Variants in RUSF1 observed in about 807,000 individuals in gnomAD.
The protein encoded by RUSF1 is RUS1 family protein C16orf58.
A neutral mutation model predicts 63.0 loss-of-function variants in RUSF1; 58 were observed. The observed-to-expected ratio is 0.92, with a 90% CI of 0.75 to 1.15. The LOEUF (loss-of-function observed/expected upper bound fraction) is 1.15, where lower values mean the gene tolerates loss of function less well. Ranked by LOEUF, RUSF1 falls within the 50% of genes most tolerant of loss-of-function variation. The pLI is 0.00. For missense variants in RUSF1, 652 were observed against 611.0 expected, an observed-to-expected ratio of 1.07 and a Z score of -0.71; for synonymous variants, 274 against 255.8, an observed-to-expected ratio of 1.07 and a Z score of -0.68.
Position 31,499,291 on chromosome 16 carries a change from C to A in RUSF1, c.600+11G>T. ...TGTTTTAGGCAGATGGGTGCCCCCA[C>A]AGGCAGCTACCTTGGCTAGGTTGCT... On this transcript the variant is annotated intron_variant, in intron 5 of 12. Transcript: ENST00000327237. The A allele has an allele frequency of 6.2e-7, 1 of 1,609,634 alleles. No homozygotes were observed. The highest frequency in any genetic ancestry group is 1.1e-5 in the South Asian group (1 of 90,974).
intron 5 of RUSF1, among the ~76,000 whole-genome samples, chr16:31,498,627 G>A (rs913438902): frequency 2.0e-5 from 3 of 152,178 alleles, no homozygotes; most frequent in Admixed American, 6.5e-5. Context: ...AACCTGCAAG[G>A]GTTGTGCAGG....
intron 5 of RUSF1, among the ~76,000 whole-genome samples, chr16:31,497,601 T>C (rs1300383840): frequency 1.3e-5 from 2 of 152,148 alleles, no homozygotes; most frequent in Non-Finnish European, 2.9e-5. Flanking sequence ...CCTCCCAAAG[T>C]GCTGGGATTA....
chr16:31,495,296 GC>G (rs2142648720), intron 6 of RUSF1, among the ~76,000 whole-genome samples: 1 of 152,258 alleles, frequency 6.6e-6, no homozygotes, highest in African/African-American at 2.4e-5. Flanking sequence ...TTCTCAACCA[GC>G]CCTCCTGGGA....
At chr16:31,502,527 A>G (rs2082637964) in intron 2 of RUSF1, among the ~76,000 whole-genome samples, 1 of 152,234 alleles carries the variant, frequency 6.6e-6, no homozygotes, top group African/African-American at 2.4e-5. Context: ...ATGGATTTCC[A>G]GCTTCTCTGG....
chr16:31,498,293 A>T (rs2082614701), intron 5 of RUSF1, among the ~76,000 whole-genome samples: 1 of 152,132 alleles, frequency 6.6e-6, no homozygotes, highest in Non-Finnish European at 1.5e-5. Flanking sequence ...CAGAGTTTGA[A>T]GCAAAAGCCA....
At chr16:31,499,826 T>C (rs1041583174) in intron 3 of RUSF1, among the ~76,000 whole-genome samples, 1 of 152,126 alleles carries the variant, frequency 6.6e-6, no homozygotes, top group Non-Finnish European at 1.5e-5. Flanking sequence ...AGGGAGGCTC[T>C]TCCTGAGTTC....
chr16:31,490,986 A>G lies in RUSF1; in HGVS notation c.1310-54T>C, dbSNP rs2082563195. The G allele has an allele frequency of 9.0e-6, 14 of 1,562,940 alleles. No homozygotes were observed. In the Admixed American group the frequency reaches 2.2e-4, roughly 24 times the overall value. On this transcript the variant is annotated intron_variant, in intron 12 of 12. Coordinates refer to ENST00000327237, the MANE Select transcript of RUSF1 (RefSeq NM_022744.4). ...GAATGCTGGGGACAAGGGTAAGGAG[A>G]GGCACAGGCTGGGTGCAGGCTTTGT...
At chr16:31,493,074 G>T (rs1596625354) in intron 9 of RUSF1, 26 bp from the exon 10 acceptor site, 1 of 1,610,804 alleles carries the variant, frequency 6.2e-7, no homozygotes, top group South Asian at 1.1e-5. Flanking sequence ...CAGTGCAGTG[G>T]GGGTGGAGGA....
chr16:31,490,604 C>T lies in RUSF1; in HGVS notation c.*231G>A, dbSNP rs2082558073. On this transcript the variant is annotated 3_prime_UTR_variant, in exon 13 of 13. Coordinates refer to ENST00000327237, the MANE Select transcript of RUSF1 (RefSeq NM_022744.4). The stretch of plus-strand genomic sequence containing the variant: ...TGGGGGTGAGGAGCCTGCGGTGCTC[C>T]CCAGAAAAGGGGAAGGGGCAGTGGG... The T allele has an allele frequency of 1.5e-6, 2 of 1,368,742 alleles. No individual in the cohort carries two copies. The highest frequency in any genetic ancestry group is 1.4e-5 in the African/African-American group (1 of 70,158). The allele number at this position is 1,368,742 out of a possible 1,614,324, so 84.8% of individuals were successfully genotyped here.
Position 31,490,678 on chromosome 16 carries a change from C to T in RUSF1, c.*157G>A. Reference sequence around the variant, plus strand: ...CTCCCGGCCTTCCTCTGCCTGGGGCCCACTGCATCTGATTGGCAGTCACTT... The same window carrying T: ...CTCCCGGCCTTCCTCTGCCTGGGGCTCACTGCATCTGATTGGCAGTCACTT... On this transcript the variant is annotated 3_prime_UTR_variant, in exon 13 of 13. Transcript: ENST00000327237. 1 of 1,078,992 alleles carries T rather than the reference C, an allele frequency of 9.3e-7. No individual in the cohort carries two copies. The highest frequency in any genetic ancestry group is 1.4e-6 in the Non-Finnish European group (1 of 718,240). The allele number at this position is 1,078,992 out of a possible 1,614,324, so 66.8% of individuals were successfully genotyped here.
chr16:31,502,365 T>C (rs756510476), intron 2 of RUSF1, among the ~76,000 whole-genome samples: 2 of 152,160 alleles, frequency 1.3e-5, no homozygotes, highest in Non-Finnish European at 2.9e-5. Context: ...CACCCTGGAC[T>C]TGAGGGAAAT....
intron 6 of RUSF1, among the ~76,000 whole-genome samples, chr16:31,495,435 G>A (rs1435991750): frequency 2.6e-5 from 4 of 152,220 alleles, no homozygotes; most frequent in African/African-American, 9.6e-5. Flanking sequence ...TCCAGTGACA[G>A]CAAAGCTGCA....
At position 31,508,196 on chromosome 16, in the gene RUSF1, C is replaced by A. The variant is rs1489300204; in HGVS notation, c.178G>T (p.Val60Leu). 1.3e-6 allele frequency: 2 copies of A among 1,566,562 alleles called. No individual in the cohort carries two copies. The highest frequency in any genetic ancestry group is 4.8e-5 in the East Asian group (2 of 41,744). ...GGTGAGGGGGCCCCGGAAGCCCCCA[C>A]TTCGCCCGCATCTCGTCCTTCAGGT... ...VKPEGRDAGE[V>L]GASGAPSPPL... Residue 60 changes from valine to leucine, a missense_variant, in exon 1 of 13, where the codon GTG becomes TTG. By Grantham distance (32) the Val-to-Leu change is conservative. Coordinates refer to ENST00000327237, the MANE Select transcript of RUSF1 (RefSeq NM_022744.4).
At chr16:31,503,930 G>A (rs987971860) in intron 2 of RUSF1, among the ~76,000 whole-genome samples, 1 of 152,202 alleles carries the variant, frequency 6.6e-6, no homozygotes, top group Non-Finnish European at 1.5e-5. Context: ...CCAAAGTGCT[G>A]GGATCATAGG....
intron 10 of RUSF1, among the ~76,000 whole-genome samples, 169 bp downstream of exon 10, chr16:31,492,809 G>A (rs111541569): frequency 3.3e-5 from 5 of 152,216 alleles, no homozygotes; most frequent in African/African-American, 1.2e-4. Context: ...GTTTTACAAA[G>A]CGGTGACATG....
At position 31,492,335 on chromosome 16, in the gene RUSF1, C is replaced by G; in HGVS notation, c.1093G>C (p.Val365Leu). ...LLCWDQSQNQ[V>L]QVVLNQKAGP... ...GCCTTCTGGTTCAGAACTACCTGTA[C>G]CTGGTCTGGAGGGACCCAGAGACAG... is the stretch of plus-strand genomic sequence containing the variant. The change falls in exon 11 of 13, where the codon GTA (valine) becomes CTA (leucine). Residue 365 changes from valine (V) to leucine (L), a missense_variant. Val to Leu is a conservative substitution (Grantham distance 32). Transcript: ENST00000327237. 1 of 1,571,306 alleles carries G rather than the reference C, an allele frequency of 6.4e-7. No individual in the cohort carries two copies. Among genetic ancestry groups the G allele is most frequent in the Non-Finnish European group, 8.6e-7 (1 of 1,158,682 alleles).
Position 31,493,441 on chromosome 16 carries a change from C to T in RUSF1, c.1016+26G>A, listed in dbSNP as rs377369374. 6.7e-5 allele frequency: 105 copies of T among 1,576,698 alleles called. No homozygotes were observed. In the African/African-American group the frequency reaches 1.2e-3, roughly 18 times the overall value. On this transcript the variant is annotated intron_variant, in intron 9 of 12. Transcript: ENST00000327237. ...AGGGGAGTGTGGGTGGCGGTGGTGACGAGCGGGAGACGCTAGGCCACTCAC... is the reference window on the plus strand; with the variant it reads ...AGGGGAGTGTGGGTGGCGGTGGTGATGAGCGGGAGACGCTAGGCCACTCAC...
At position 31,499,322 on chromosome 16, in the gene RUSF1, A is replaced by T. The variant is rs1269647764; in HGVS notation, c.580T>A (p.Ser194Thr). The T allele has an allele frequency of 6.2e-7, 1 of 1,613,774 alleles. No homozygotes were observed. The highest frequency in any genetic ancestry group is 1.3e-5 in the African/African-American group (1 of 74,908). The change falls in exon 5 of 13, where the codon TCC (serine) becomes ACC (threonine). Residue 194 changes from serine (S) to threonine (T), a missense_variant. Ser to Thr is a moderately conservative substitution (Grantham distance 58, BLOSUM62 1). Transcript: ENST00000327237. Reference protein sequence around the residue: ...VYPICFTMTVSTSNLAKCIVS... With the variant: ...VYPICFTMTVTTSNLAKCIVS... ...GCTACCTTGGCTAGGTTGCTGGTGG[A>T]GACGGTCATGGTGAAACAGATTGGG...
rs2082580439 is a variant in RUSF1, at chr16:31,492,965, G to A, written c.1087+13C>T. The A allele has an allele frequency of 1.2e-6, 2 of 1,602,874 alleles. No homozygotes were observed. The highest frequency in any genetic ancestry group is 2.2e-5 in the East Asian group (1 of 44,634). On this transcript the variant is annotated intron_variant, in intron 10 of 12. Transcript: ENST00000327237. ...AGGGTGCGTCTTAGGCTGGGAGAAT[G>A]AGGCACACTCACTTTGTGACTGGTC...
Sources: allele counts gnomAD v4.1 joint callset (sites outside exome capture counted in the v4.1 genomes callset), GRCh38; gene constraint gnomAD v4.1.1; transcripts MANE v1.5; gene names NCBI Gene and HGNC (gene_info 2026-07-23, HGNC 2026-07-21).